DDX25: variants seen among roughly 807,000 people sequenced by gnomAD.
DDX25 encodes the protein DEAD-box helicase 25.
A neutral mutation model predicts 64.6 loss-of-function variants in DDX25; 70 were observed. The observed-to-expected ratio is 1.08, with a 90% CI of 0.89 to 1.32. The LOEUF is 1.32. Among genes scored for constraint, DDX25 ranks in the 40% most tolerant of loss-of-function variants. The pLI, the probability that DDX25 is intolerant of heterozygous loss-of-function variation, is 0.00. For synonymous variants in DDX25, 211 were observed against 213.3 expected (o/e 0.99, Z 0.09); for missense variants, 587 against 604.4 (o/e 0.97, Z 0.30).
In DDX25 at chr11:125,922,841, A is replaced by G; in HGVS notation, c.1412A>G (p.Asn471Ser). 1.2e-6 allele frequency: 2 copies of G among 1,610,108 alleles called. No homozygotes were observed. Among genetic ancestry groups the G allele is most frequent in the South Asian group, 1.1e-5 (1 of 90,110 alleles). The change falls in exon 12 of 12, where the codon AAC becomes AGC. Residue 471 changes from asparagine to serine, a missense_variant. Asn to Ser is a conservative substitution (Grantham distance 46). Transcript: ENST00000263576. ...DHFNSSIKQL[N>S]AEDMDEIEKI... is the part of the protein sequence containing the mutation. ...TTAGACAGCAGTATTAAGCAACTCA[A>G]CGCTGAAGACATGGATGAAATTGAA...
intron 4 of DDX25, 83 bp downstream of exon 4, chr11:125,906,292 G>A: frequency 7.1e-7 from 1 of 1,409,656 alleles, no homozygotes; most frequent in South Asian, 1.6e-5. Flanking sequence ...AAACCATCAG[G>A]ATCTCCTCTT....
At chr11:125,905,178 C>G (rs1944866104) in intron 1 of DDX25, 34 bp from the exon 2 acceptor site, 1 of 1,548,478 alleles carries the variant, frequency 6.5e-7, no homozygotes, top group Non-Finnish European at 8.7e-7. Flanking sequence ...GGGCTTGCAT[C>G]CTAATATTGG....
At position 125,916,999 on chromosome 11, in the gene DDX25, TCTC is replaced by T. The variant is rs1380174996; in HGVS notation, c.801-11_801-9del. 1.9e-6 allele frequency: 3 copies of T among 1,572,392 alleles called. No homozygotes were observed. The highest frequency in any genetic ancestry group is 2.6e-6 in the Non-Finnish European group (3 of 1,157,434). On this transcript the variant is annotated splice_polypyrimidine_tract_variant and intron_variant, in intron 8 of 11. Transcript: ENST00000263576. ...GGATGGCAGCTTGGTGACAGCCTTC[TCTC>T]CTCTATCACAGAGCTCTACCCTCCG...
intron 10 of DDX25, chr11:125,920,981 C>G: frequency 1.8e-6 from 1 of 557,538 alleles, no homozygotes; most frequent in South Asian, 2.5e-5. Context: ...ATTTCTGTAG[C>G]ATTCTCTATG....
At chr11:125,910,546 T>C (rs1341312956) in intron 7 of DDX25, 68 bp downstream of exon 7, 7 of 1,375,758 alleles carry the variant, frequency 5.1e-6, no homozygotes, top group Non-Finnish European at 7.2e-6. Context: ...AAGCATTTTA[T>C]ATAACTTCTT....
chr11:125,917,129 G>A lies in DDX25; in HGVS notation c.916G>A (p.Glu306Lys). The A allele has an allele frequency of 6.2e-7, 1 of 1,610,754 alleles. No individual in the cohort carries two copies. The highest frequency in any genetic ancestry group is 8.5e-7 in the Non-Finnish European group (1 of 1,178,748). Residue 306 changes from glutamate (E) to lysine (K), a missense_variant, in exon 9 of 12, where the codon GAG (glutamate) becomes AAG (lysine). Physicochemically the swap from Glu to Lys is moderately conservative, Grantham distance 56 (BLOSUM62 1). Transcript: ENST00000263576. ...DPNVIKLRKE[E>K]LTLNNIRQYY... ...TAATGTTATCAAGTTACGCAAAGAG[G>A]AGCTCACACTGAACAACATCCGGCA...
rs1461667086 is a variant in DDX25, at chr11:125,906,097, T to G, written c.199T>G (p.Leu67Val). ...AGTGGATTTGGCAGCTAATTCACTC[T>G]TAAACAAGTTAATCCATCAATCCTT... ...DVVDLAANSL[L>V]NKLIHQSLVE... The change falls in exon 4 of 12, where the codon TTA becomes GTA. Residue 67 changes from leucine to valine, a missense_variant. Physicochemically the swap from Leu to Val is conservative, Grantham distance 32. Coordinates refer to ENST00000263576, the MANE Select transcript of DDX25 (RefSeq NM_013264.5). 1.9e-6 allele frequency: 3 copies of G among 1,543,298 alleles called. No homozygotes were observed. The East Asian group carries it at 7.3e-5, about 38-fold the overall frequency.
At chr11:125,915,824 C>G (rs564426078) in intron 8 of DDX25, among the ~76,000 whole-genome samples, 1 of 152,354 alleles carries the variant, frequency 6.6e-6, no homozygotes, top group Admixed American at 6.5e-5. Context: ...TTCATCAACT[C>G]TGTGTTCTGC....
At chr11:125,919,632 A>G (rs771418746) in intron 10 of DDX25, among the ~76,000 whole-genome samples, 1 of 118,860 alleles carries the variant, frequency 8.4e-6, no homozygotes, top group Non-Finnish European at 1.9e-5. Flanking sequence ...CCCCATACTC[A>G]TACCACATTT....
chr11:125,905,430 C>T, intron 2 of DDX25, 123 bp from the exon 3 acceptor site: 1 of 1,326,444 alleles, frequency 7.5e-7, no homozygotes, highest in Non-Finnish European at 1.1e-6. Flanking sequence ...TCCATTCCTC[C>T]ATGAAATGAC....
intron 1 of DDX25, chr11:125,904,836 A>G (rs1019883573): frequency 1.7e-5 from 10 of 573,796 alleles, no homozygotes; most frequent in South Asian, 1.3e-4. Context: ...CGCAGCTGGT[A>G]GTCCCAGCTA....
intron 8 of DDX25, among the ~76,000 whole-genome samples, chr11:125,912,895 C>T (rs964748602): frequency 7.9e-5 from 12 of 152,234 alleles, no homozygotes; most frequent in African/African-American, 2.2e-4. Flanking sequence ...CGGTGGCTCA[C>T]GCCAGTAGTC....
intron 4 of DDX25, among the ~76,000 whole-genome samples, chr11:125,907,594 C>G (rs372290180): frequency 6.7e-6 from 1 of 150,064 alleles, no homozygotes; most frequent in African/African-American, 2.4e-5. Flanking sequence ...GGCGACAGAG[C>G]AAGACTCCGT....
chr11:125,913,490 C>A lies in DDX25; in HGVS notation c.800+2002C>A, dbSNP rs1944992958. Among the ~76,000 whole-genome samples, 3 of 152,152 alleles carry A rather than the reference C, an allele frequency of 2.0e-5. No individual in the cohort carries two copies. The South Asian group carries it at 6.2e-4, about 32-fold the overall frequency. ...GGATAGGAATCCTGTGTCATTCTCT[C>A]TCTAAATTCAGAGAAATGTTGAAAA... On this transcript the variant is annotated intron_variant, in intron 8 of 11. Transcript: ENST00000263576.
At position 125,908,329 on chromosome 11, in the gene DDX25, A is replaced by C. The variant is rs764370209; in HGVS notation, c.404+41A>C. 3.1e-6 allele frequency: 5 copies of C among 1,612,758 alleles called. No homozygotes were observed. The South Asian group carries it at 4.4e-5, about 14-fold the overall frequency. ...AGTGGTATTCTACTTGGTTATGTTT[A>C]GTTTCTTATTTTCAGTTTATGCCCA... On this transcript the variant is annotated intron_variant, in intron 5 of 11. Transcript: ENST00000263576.
upstream of DDX25, among the ~76,000 whole-genome samples, chr11:125,904,191 G>T (rs1124709): frequency 0.19 from 29,192 of 152,140 alleles, 3,261 homozygotes; most frequent in Non-Finnish European, 0.25. Flanking sequence ...TGTGAGCGGC[G>T]GGCCGCGGGG....
chr11:125,923,014 A>G lies in DDX25; in HGVS notation c.*133A>G. ...CAGATGGCAAAATAAATGTCACGGT[A>G]CTTAGTTTTAAGACATGAGGTCTTT... On this transcript the variant is annotated 3_prime_UTR_variant, in exon 12 of 12. Coordinates refer to ENST00000263576, the MANE Select transcript of DDX25 (RefSeq NM_013264.5). 1.3e-6 allele frequency: 1 copy of G among 760,982 alleles called. No individual in the cohort carries two copies. The highest frequency in any genetic ancestry group is 2.1e-6 in the Non-Finnish European group (1 of 482,828). The allele number at this position is 760,982 out of a possible 1,614,324, so 47.1% of individuals were successfully genotyped here.
rs1296244856 is a variant in DDX25, at chr11:125,928,782, T to C, written c.*5901T>C. 1.3e-5 allele frequency: 2 copies of C among 152,228 alleles called. No homozygotes were observed. The highest frequency in any genetic ancestry group is 2.9e-5 in the Non-Finnish European group (2 of 68,028). 9.4% of individuals were successfully genotyped at this position (152,228 alleles called of 1,614,324 possible). A position where few individuals can be genotyped will look rare whatever the true frequency, so the allele number is the denominator to read the frequency against. On this transcript the variant is annotated 3_prime_UTR_variant, in exon 12 of 12. Transcript: ENST00000263576. ...GGTTTCCTTGTCAAGTTGTGTGAAATATATGTGTGAATTTATTTTTCCAAA... is the reference window on the plus strand; with the variant it reads ...GGTTTCCTTGTCAAGTTGTGTGAAACATATGTGTGAATTTATTTTTCCAAA...
intron 8 of DDX25, among the ~76,000 whole-genome samples, chr11:125,914,827 C>G (rs572601110): frequency 3.3e-5 from 5 of 152,278 alleles, no homozygotes; most frequent in Admixed American, 1.3e-4. Context: ...ACCTTTGCCT[C>G]CTGGGTTCAA....
Sources: allele counts gnomAD v4.1 joint callset (sites outside exome capture counted in the v4.1 genomes callset), GRCh38; gene constraint gnomAD v4.1.1; transcripts MANE v1.5; gene names NCBI Gene and HGNC (gene_info 2026-07-23, HGNC 2026-07-21).